The following OGG1 variants were observed in gnomAD, a reference collection of about 807,000 sequenced individuals.
OGG1 encodes N-glycosylase/DNA lyase.
In OGG1, 35 loss-of-function variants were observed where a neutral mutation model predicts 42.3. The observed-to-expected ratio is 0.83, with a 90% CI of 0.63 to 1.10. The LOEUF (loss-of-function observed/expected upper bound fraction) is 1.10, where lower values mean the gene tolerates loss of function less well. Ranked by LOEUF, OGG1 falls within the 50% of genes least tolerant of loss-of-function variation. OGG1 has a pLI of 0.00. For synonymous variants in OGG1, 189 were observed against 179.0 expected (o/e 1.06, Z -0.44); for missense variants, 484 against 446.7 (o/e 1.08, Z -0.75).
At chr3:9,784,864 C>CAA (rs56673103) in intron 3 of OGG1, among the ~76,000 whole-genome samples, 975 of 97,386 alleles carry the variant, frequency 0.01, 6 homozygotes, top group Middle Eastern at 0.041. Context: ...GACTCCATCT[C>CAA]AAAAAAAAAA....
downstream of OGG1, chr3:9,789,672 C>T: frequency 6.2e-7 from 1 of 1,609,624 alleles, no homozygotes; most frequent in South Asian, 1.1e-5. Flanking sequence ...CCTCCACCAC[C>T]AGAACCTTGA....
intron 3 of OGG1, among the ~76,000 whole-genome samples, chr3:9,786,291 T>C (rs2078608870): frequency 6.6e-6 from 1 of 152,136 alleles, no homozygotes; most frequent in African/African-American, 2.4e-5. Context: ...AGAGTGACCT[T>C]GTGCAGACTG....
chr3:9,784,220 C>A, intron 3 of OGG1: 1 of 1,599,740 alleles, frequency 6.3e-7, no homozygotes, highest in East Asian at 2.2e-5. Flanking sequence ...CACACTGCAG[C>A]GGGAGGCAGG....
At position 9,751,878 on chromosome 3, in the gene OGG1, C is replaced by T. The variant is rs1437761292; in HGVS notation, c.494C>T (p.Ala165Val). ...ITGMVERLCQAFGPRLIQLDD... is the reference protein window; with the variant it reads ...ITGMVERLCQVFGPRLIQLDD... Reference sequence around the variant, plus strand: ...GGCATGGTGGAGCGGCTGTGCCAGGCTTTTGGACCTCGGCTCATCCAGCTT... The same window carrying T: ...GGCATGGTGGAGCGGCTGTGCCAGGTTTTTGGACCTCGGCTCATCCAGCTT... Residue 165 changes from alanine to valine, a missense_variant, in exon 3 of 7, where the codon GCT becomes GTT. Ala to Val is a moderately conservative substitution (Grantham distance 64). Transcript: ENST00000344629. The T allele has an allele frequency of 6.2e-7, 1 of 1,614,208 alleles. No homozygotes were observed. Among genetic ancestry groups the T allele is most frequent in the Non-Finnish European group, 8.5e-7 (1 of 1,180,032 alleles).
At chr3:9,751,220 G>A (rs375042016) in intron 2 of OGG1, 28 bp downstream of exon 2, 44 of 1,610,754 alleles carry the variant, frequency 2.7e-5, no homozygotes, top group African/African-American at 2.1e-4. Flanking sequence ...GCTGGGGTTA[G>A]GGTTCTTGGA....
chr3:9,787,712 A>G lies in OGG1; in HGVS notation c.383-16A>G, dbSNP rs549858809. Reference sequence around the variant, plus strand: ...ATTGCTTGAATTTACTGCTGTCTGTATGAACTCTTTTTCAGATAAATTTTT... The same window carrying G: ...ATTGCTTGAATTTACTGCTGTCTGTGTGAACTCTTTTTCAGATAAATTTTT... On this transcript the variant is annotated splice_polypyrimidine_tract_variant and intron_variant, in intron 3 of 3. Transcript: ENST00000426518. The G allele has an allele frequency of 3.8e-6, 5 of 1,311,344 alleles. No homozygotes were observed. The South Asian group carries it at 6.2e-5, about 16-fold the overall frequency. The allele number at this position is 1,311,344 out of a possible 1,614,324, so 81.2% of individuals were successfully genotyped here.
chr3:9,750,405 C>G lies in OGG1; in HGVS notation c.119C>G (p.Pro40Arg), dbSNP rs746050953. Residue 40 changes from proline to arginine, a missense_variant, in exon 1 of 7, where the codon CCT becomes CGT. Pro to Arg is a moderately radical substitution (Grantham distance 103). Transcript: ENST00000344629. ...RSELRLDLVL[P>R]SGQSFRWREQ... ...GAGCTGCGCCTGGACCTGGTTCTGCCTTCTGGACAATCTTTCCGGTGAGTG... is the reference window on the plus strand; with the variant it reads ...GAGCTGCGCCTGGACCTGGTTCTGCGTTCTGGACAATCTTTCCGGTGAGTG... 1.9e-6 allele frequency: 3 copies of G among 1,614,046 alleles called. No individual in the cohort carries two copies. Among genetic ancestry groups the G allele is most frequent in the Non-Finnish European group, 2.5e-6 (3 of 1,180,036 alleles).
Position 9,751,013 on chromosome 3 carries a change from CTG to C in OGG1, c.207_208del (p.Glu70GlyfsTer16). 6.2e-7 allele frequency: 1 copy of C among 1,613,932 alleles called. No individual in the cohort carries two copies. Among genetic ancestry groups the C allele is most frequent in the South Asian group, 1.1e-5 (1 of 91,036 alleles). ...GATCAAGTATGGACACTGACTCAGA[CTG>C]AGGAGCAGCTCCACTGCACTGTGTA... On this transcript the variant is annotated frameshift_variant, in exon 2 of 7. Transcript: ENST00000344629. LOFTEE classifies it high-confidence loss of function.
At chr3:9,761,214 AAAGT>A (rs1447186688), downstream of OGG1, 7 of 449,726 alleles carry the variant, frequency 1.6e-5, no homozygotes, top group Non-Finnish European at 2.4e-5. Flanking sequence ...TACTAGAAAG[AAAGT>A]CAGCTCCCTG....
chr3:9,750,007 A>G lies in OGG1; in HGVS notation c.-280A>G, dbSNP rs3218999. 19,471 of 500,384 alleles carry G rather than the reference A, an allele frequency of 0.039. 511 individuals carry two copies. The highest frequency in any genetic ancestry group is 0.078 in the South Asian group (2,896 of 36,972). 31.0% of individuals were successfully genotyped at this position (500,384 alleles called of 1,614,324 possible). A position where few individuals can be genotyped will look rare whatever the true frequency, so the allele number is the denominator to read the frequency against. ...CAGAAGAACACAGCTGTGCGCGCCC[A>G]CAGGCTCTGGGGGCGGGAGAAGATA... is the stretch of plus-strand genomic sequence containing the variant. On this transcript the variant is annotated 5_prime_UTR_variant, in exon 1 of 7. Transcript: ENST00000344629.
downstream of OGG1, chr3:9,757,497 A>G (rs767348912): frequency 1.2e-6 from 2 of 1,604,856 alleles, no homozygotes; most frequent in East Asian, 4.5e-5. This position sits in a 1 kb window ranked among gnomAD's most constrained non-coding sequence, Gnocchi z 4.5. Context: ...GGCTGCCCCC[A>G]AGCCCTCCCA....
Position 9,780,626 on chromosome 3 carries a change from T to G in OGG1, c.295-887T>G, listed in dbSNP as rs1472529137. On this transcript the variant is annotated intron_variant, in intron 2 of 3. Coordinates refer to the OGG1 transcript ENST00000426518. ...ACCCCTCCCTCTTCAAGACCGAGCCTACCCACCAGCCCAGGCTGGCATGCC... is the reference window on the plus strand; with the variant it reads ...ACCCCTCCCTCTTCAAGACCGAGCCGACCCACCAGCCCAGGCTGGCATGCC... 9 of 1,447,722 alleles carry G rather than the reference T, an allele frequency of 6.2e-6. No homozygotes were observed. In the Admixed American group the frequency reaches 1.8e-4, roughly 29 times the overall value. The allele number at this position is 1,447,722 out of a possible 1,614,324, so 89.7% of individuals were successfully genotyped here. A position where few individuals can be genotyped will look rare whatever the true frequency, so the allele number is the denominator to read the frequency against.
chr3:9,754,846 C>G lies in OGG1; in HGVS notation c.708C>G (p.Ala236=), dbSNP rs1187537058. 1 of 1,608,030 alleles carries G rather than the reference C, an allele frequency of 6.2e-7. No homozygotes were observed. Among genetic ancestry groups the G allele is most frequent in the Non-Finnish European group, 8.5e-7 (1 of 1,177,160 alleles). ...TACGAGAGTCCTCATATGAGGAGGCCCACAAGGCCCTCTGCATCCTGCCTG... is the reference window on the plus strand; with the variant it reads ...TACGAGAGTCCTCATATGAGGAGGCGCACAAGGCCCTCTGCATCCTGCCTG... ...QQLRESSYEE[A]HKALCILPGV... The change falls in exon 4 of 7, where the codon GCC becomes GCG. Residue 236 remains alanine (A), a synonymous_variant. Coordinates refer to ENST00000344629, the MANE Select transcript of OGG1 (RefSeq NM_002542.6).
chr3:9,780,222 A>G, intron 2 of OGG1: 1 of 902,226 alleles, frequency 1.1e-6, no homozygotes, highest in Non-Finnish European at 1.6e-6. Context: ...ACCTCAGGGG[A>G]AGGGCCACGG....
intron 2 of OGG1, among the ~76,000 whole-genome samples, chr3:9,779,666 C>T (rs1295668314): frequency 1.3e-5 from 2 of 152,098 alleles, no homozygotes; most frequent in African/African-American, 2.4e-5. Context: ...AAAAAGAAAC[C>T]TGGACCCTTG....
At chr3:9,778,272 G>GAGC (rs1411579576) in intron 2 of OGG1, among the ~76,000 whole-genome samples, 2 of 152,212 alleles carry the variant, frequency 1.3e-5, no homozygotes, top group African/African-American at 4.8e-5. Flanking sequence ...AGAAGGCTGT[G>GAGC]AGCAACCTGG....
chr3:9,754,632 C>G, intron 3 of OGG1, 72 bp from the exon 4 acceptor site: 1 of 1,525,822 alleles, frequency 6.6e-7, no homozygotes, highest in East Asian at 2.3e-5. Context: ...AGGTAGAGAG[C>G]TCACTTACTA....
At chr3:9,752,458 G>T (rs1443711659) in intron 3 of OGG1, among the ~76,000 whole-genome samples, 1 of 148,724 alleles carries the variant, frequency 6.7e-6, no homozygotes, top group African/African-American at 2.5e-5. Flanking sequence ...TCAGCCAGGC[G>T]CAGTGGCTCA....
At chr3:9,756,380 A>T (rs1447688525) in intron 4 of OGG1, 91 bp from the exon 5 acceptor site, 3 of 1,269,680 alleles carry the variant, frequency 2.4e-6, no homozygotes, top group Non-Finnish European at 3.4e-6. Flanking sequence ...CCCCAGAGTG[A>T]AGGAGAAAGC....
Sources: allele counts gnomAD v4.1 joint callset (sites outside exome capture counted in the v4.1 genomes callset), GRCh38; gene constraint gnomAD v4.1.1; non-coding constraint Gnocchi (gnomAD v3.1); transcripts MANE v1.5; gene names NCBI Gene and HGNC (gene_info 2026-07-23, HGNC 2026-07-21).